NCOA2: variants seen among roughly 807,000 people sequenced by gnomAD.
NCOA2 encodes class E basic helix-loop-helix protein 75.
In NCOA2, 21 loss-of-function variants were observed where a neutral mutation model predicts 145.1. The ratio of observed to expected loss-of-function variants is 0.14; its 90% CI spans 0.10 to 0.21. The LOEUF (loss-of-function observed/expected upper bound fraction) is 0.21. Ranked by LOEUF, NCOA2 falls within the 10% of genes least tolerant of loss-of-function variation. NCOA2 has a pLI of 1.00. For synonymous variants in NCOA2, 619 were observed against 637.5 expected (o/e 0.97, Z 0.44); for missense variants, 1,472 against 1,837.6 (o/e 0.80, Z 3.64).
intron 1 of NCOA2, among the ~76,000 whole-genome samples, chr8:70,358,819 A>C (rs1382847019): frequency 6.6e-6 from 1 of 152,190 alleles, no homozygotes; most frequent in Non-Finnish European, 1.5e-5. Flanking sequence ...ATTGGTGAAA[A>C]CTATATGTAT....
intron 22 of NCOA2, among the ~76,000 whole-genome samples, chr8:70,114,070 G>A (rs890441691): frequency 6.6e-6 from 1 of 152,164 alleles, no homozygotes; most frequent in Admixed American, 6.5e-5. Flanking sequence ...AATTCATCCA[G>A]TACAAACCCT....
chr8:70,385,704 G>A (rs554918984), intron 1 of NCOA2, among the ~76,000 whole-genome samples: 1 of 152,198 alleles, frequency 6.6e-6, no homozygotes, highest in Non-Finnish European at 1.5e-5. Flanking sequence ...TGGGATTACA[G>A]GCATGAGCCA....
chr8:70,432,349 C>G, the NCOA2 span, among the ~76,000 whole-genome samples: 39,671 of 152,064 alleles, frequency 0.26, 5,457 homozygotes, highest in African/African-American at 0.33. Flanking sequence ...AGTTGGCCAA[C>G]CAAAATTGAA....
chr8:70,123,745 T>C, intron 21 of NCOA2, 139 bp downstream of exon 21: 2 of 601,452 alleles, frequency 3.3e-6, no homozygotes, highest in Non-Finnish European at 5.5e-6. Context: ...CTAACACAGG[T>C]GAAGGGTGAA....
intron 15 of NCOA2, among the ~76,000 whole-genome samples, chr8:70,134,033 C>G (rs1809459552): frequency 6.6e-6 from 1 of 152,204 alleles, no homozygotes; most frequent in African/African-American, 2.4e-5. Context: ...GGCAGGTGCT[C>G]TTCCCACTCC....
chr8:70,210,733 G>A (rs1015859105), intron 4 of NCOA2, among the ~76,000 whole-genome samples: 1 of 152,010 alleles, frequency 6.6e-6, no homozygotes, highest in South Asian at 2.1e-4. Flanking sequence ...TGGCTGACAC[G>A]TCATAGCTTC....
At chr8:70,245,483 C>T (rs1297669688) in intron 2 of NCOA2, 1 of 152,050 alleles carries the variant, frequency 6.6e-6, no homozygotes, top group Admixed American at 6.6e-5. Context: ...GCCTCTACCC[C>T]TCCTGCTATT....
At chr8:70,417,811 C>T in the NCOA2 span, among the ~76,000 whole-genome samples, 1 of 152,152 alleles carries the variant, frequency 6.6e-6, no homozygotes, top group Non-Finnish European at 1.5e-5. Context: ...TGCATTTCAG[C>T]CTTTTTCGTA....
At chr8:70,431,782 A>G in the NCOA2 span, among the ~76,000 whole-genome samples, 9 of 152,232 alleles carry the variant, frequency 5.9e-5, no homozygotes, top group Admixed American at 3.3e-4. Context: ...TATGTTTCAA[A>G]TAGTCTATTA....
chr8:70,307,220 C>CAAAAAAAAAAAAAAAAA (rs57161747), intron 1 of NCOA2, among the ~76,000 whole-genome samples: 52 of 71,560 alleles, frequency 7.3e-4, no homozygotes, highest in East Asian at 1.1e-3. Flanking sequence ...CCTACATAAG[C>CAAAAAAAAAAAAAAAAA]AAAAAAAAAA....
chr8:70,280,852 A>T (rs1275355287), intron 2 of NCOA2, among the ~76,000 whole-genome samples: 1 of 152,014 alleles, frequency 6.6e-6, no homozygotes, highest in Non-Finnish European at 1.5e-5. Flanking sequence ...CAAAAGAATG[A>T]CTTTGCATAA....
intron 1 of NCOA2, among the ~76,000 whole-genome samples, chr8:70,365,367 A>G (rs1056817735): frequency 5.3e-5 from 8 of 152,152 alleles, no homozygotes; most frequent in Admixed American, 2.0e-4. Context: ...CAAACAAACA[A>G]ACAAAAAAAA....
At chr8:70,232,660 T>C (rs73684233) in intron 2 of NCOA2, among the ~76,000 whole-genome samples, 3,442 of 152,172 alleles carry the variant, frequency 0.023, 127 homozygotes, top group African/African-American at 0.078. Flanking sequence ...TGGGAGACCC[T>C]GCTGCAATAT....
At chr8:70,408,432 A>C (rs1399933969), upstream of NCOA2, among the ~76,000 whole-genome samples, 1 of 152,158 alleles carries the variant, frequency 6.6e-6, no homozygotes, top group Admixed American at 6.6e-5. Flanking sequence ...TTCAGGAATA[A>C]ATTTAATGAA....
At chr8:70,130,370 A>T (rs1808955340) in intron 16 of NCOA2, among the ~76,000 whole-genome samples, 2 of 152,228 alleles carry the variant, frequency 1.3e-5, no homozygotes, top group Admixed American at 1.3e-4. Flanking sequence ...AAATATTAAA[A>T]GACATGACAC....
chr8:70,445,565 C>T, the NCOA2 span, among the ~76,000 whole-genome samples: 5 of 152,136 alleles, frequency 3.3e-5, no homozygotes, highest in Non-Finnish European at 7.4e-5. Context: ...GGCCTTTTAT[C>T]CTTTAAAAGC....
Position 70,128,657 on chromosome 8 carries a change from T to C in NCOA2, c.3603+45A>G, listed in dbSNP as rs79801151. 92,783 of 1,604,212 alleles carry C rather than the reference T, an allele frequency of 0.058. 3,216 individuals are homozygous for C. Among genetic ancestry groups the C allele is most frequent in the East Asian group, 0.13 (5,705 of 44,766 alleles). On this transcript the variant is annotated intron_variant, in intron 17 of 22. Coordinates refer to ENST00000452400, the MANE Select transcript of NCOA2 (RefSeq NM_006540.4). ...GTCTCACATCATCTTCCCCATGTCC[T>C]CCACCCAGCACCCCTGACTTCCCAG...
intron 11 of NCOA2, among the ~76,000 whole-genome samples, chr8:70,149,429 T>A (rs1351777151): frequency 6.6e-6 from 1 of 151,044 alleles, no homozygotes; most frequent in Non-Finnish European, 1.5e-5. Context: ...TTTTTTTTTT[T>A]AGAGATGGGG....
rs1206548747 is a variant in NCOA2, at chr8:70,138,282, G to T, written c.3079C>A (p.Gln1027Lys). The T allele has an allele frequency of 6.2e-7, 1 of 1,613,524 alleles. No individual in the cohort carries two copies. The highest frequency in any genetic ancestry group is 2.2e-5 in the East Asian group (1 of 44,870). Residue 1027 changes from glutamine (Q) to lysine (K), a missense_variant, in exon 15 of 23, where the codon CAA becomes AAA. Gln to Lys is a moderately conservative substitution (Grantham distance 53). Coordinates refer to ENST00000452400, the MANE Select transcript of NCOA2 (RefSeq NM_006540.4). ...GGGGCAGTCTGATTTGGAGGAGCTT[G>T]TTGTTGGCTATACTGAGGTCCCCCC... ...NMGGPQYSQQ[Q>K]APPNQTAPWP...
Sources: gnomAD v4.1 joint callset for allele counts (sites outside exome capture counted in the v4.1 genomes callset) on GRCh38, gnomAD v4.1.1 for gene constraint, MANE v1.5 for transcripts, NCBI Gene and HGNC (gene_info 2026-07-23, HGNC 2026-07-21) for gene names.